The following ADGRA3 variants were observed in gnomAD, a reference collection of about 807,000 sequenced individuals.
ADGRA3 encodes the protein G-protein coupled receptor 125.
Under a neutral mutation model 119.8 loss-of-function variants are expected in ADGRA3, and 56 were observed. The observed-to-expected ratio is 0.47, with a 90% CI of 0.38 to 0.58. The LOEUF (loss-of-function observed/expected upper bound fraction) is 0.58, where lower values mean the gene tolerates loss of function less well. ADGRA3 is among the 20% of genes least tolerant of loss of function. The pLI, the probability that ADGRA3 is intolerant of heterozygous loss-of-function variation, is 0.00. For missense variants in ADGRA3, 1,516 were observed against 1,649.0 expected, an observed-to-expected ratio of 0.92 and a Z score of 1.40; for synonymous variants, 607 against 623.8, an observed-to-expected ratio of 0.97 and a Z score of 0.40.
intron 14 of ADGRA3, among the ~76,000 whole-genome samples, chr4:22,407,037 C>T (rs1417689469): frequency 2.0e-5 from 3 of 152,086 alleles, no homozygotes; most frequent in African/African-American, 2.4e-5. Flanking sequence ...TTTGGGAGGC[C>T]GAGGCGGGTG....
intron 1 of ADGRA3, among the ~76,000 whole-genome samples, chr4:22,484,629 C>A (rs1188493000): frequency 1.4e-5 from 2 of 147,858 alleles, no homozygotes; most frequent in East Asian, 3.9e-4. Context: ...AAAGCGTAAG[C>A]AGCTTTGTAC....
chr4:22,444,554 G>A (rs1475291225), intron 6 of ADGRA3, among the ~76,000 whole-genome samples: 3 of 152,046 alleles, frequency 2.0e-5, no homozygotes, highest in Non-Finnish European at 4.4e-5. Context: ...GTGAGCCACC[G>A]CGCCCTGCCT....
intron 4 of ADGRA3, among the ~76,000 whole-genome samples, chr4:22,453,421 AC>A (rs1197986752): frequency 2.0e-5 from 3 of 152,198 alleles, no homozygotes; most frequent in African/African-American, 4.8e-5. Flanking sequence ...AAAAGGACAC[AC>A]TGAAAACAGC....
chr4:22,392,248 T>A (rs145297557), intron 17 of ADGRA3, among the ~76,000 whole-genome samples: 10 of 152,332 alleles, frequency 6.6e-5, no homozygotes, highest in Admixed American at 1.3e-4. Context: ...ATAGAGCCGA[T>A]TATATGGCCA....
intron 12 of ADGRA3, chr4:22,420,665 T>C: frequency 3.5e-6 from 2 of 565,686 alleles, no homozygotes; most frequent in Non-Finnish European, 6.2e-6. Flanking sequence ...TCTGATATTT[T>C]TATGTGAAGA....
At position 22,438,279 on chromosome 4, in the gene ADGRA3, C is replaced by T. The variant is rs751311018; in HGVS notation, c.1062G>A (p.Val354=). ...SSAQYCPPER[V]VNNKGDFRWP... is the part of the protein sequence containing the mutation. The stretch of plus-strand genomic sequence containing the variant: ...ACCTGAAGTCACCTTTGTTGTTTAC[C>T]ACCCTCTCTGGAGGACAGTACTGTG... The change falls in exon 8 of 19, where the codon GTG becomes GTA. Residue 354 remains valine, a synonymous_variant. Transcript: ENST00000334304. The T allele has an allele frequency of 5.0e-6, 8 of 1,611,214 alleles. No individual in the cohort carries two copies. The South Asian group carries it at 8.8e-5, about 18-fold the overall frequency.
rs751426456 is a variant in ADGRA3, at chr4:22,388,341, G to A, written c.3330C>T (p.Ser1110=). ...GCAAGTTTGTTAATTTGCAGCCCTG[G>A]GAGGAATTTTTGAAGCTTGAAGCAC... The part of the protein sequence containing the change: ...NKSASSFKNS[S]QGCKLTNLQA... Residue 1110 remains serine (S), a synonymous_variant, in exon 19 of 19, where the codon TCC becomes TCT. Transcript: ENST00000334304. 1.2e-6 allele frequency: 2 copies of A among 1,614,030 alleles called. No individual in the cohort carries two copies. Among genetic ancestry groups the A allele is most frequent in the South Asian group, 2.2e-5 (2 of 91,080 alleles).
chr4:22,449,262 C>A (rs1320553397), intron 4 of ADGRA3, among the ~76,000 whole-genome samples: 2 of 151,030 alleles, frequency 1.3e-5, no homozygotes, highest in African/African-American at 2.4e-5. Flanking sequence ...AGAGTGAGAC[C>A]CCGTCTCAAA....
intron 4 of ADGRA3, among the ~76,000 whole-genome samples, chr4:22,454,007 T>C (rs1276843987): frequency 6.6e-6 from 1 of 151,994 alleles, no homozygotes; most frequent in African/African-American, 2.4e-5. Context: ...ACTACAGGCA[T>C]GTGCCACCAC....
intron 1 of ADGRA3, among the ~76,000 whole-genome samples, chr4:22,490,997 CAAGG>C (rs1043593087): frequency 3.3e-5 from 5 of 152,014 alleles, no homozygotes; most frequent in African/African-American, 1.2e-4. Flanking sequence ...ATGAATGGAT[CAAGG>C]GAGGGAGGGA....
intron 10 of ADGRA3, among the ~76,000 whole-genome samples, chr4:22,428,521 G>T (rs1716032311): frequency 6.6e-6 from 1 of 152,126 alleles, no homozygotes; most frequent in South Asian, 2.1e-4. Flanking sequence ...AGAAAAGCAA[G>T]AATTAACAGA....
chr4:22,483,160 C>T (rs990178828), intron 1 of ADGRA3, among the ~76,000 whole-genome samples: 6 of 152,166 alleles, frequency 3.9e-5, no homozygotes, highest in African/African-American at 1.4e-4. Context: ...CATCTGAAGA[C>T]TTCTTATGCC....
intron 4 of ADGRA3, among the ~76,000 whole-genome samples, chr4:22,448,253 T>C (rs973902578): frequency 6.6e-6 from 1 of 152,220 alleles, no homozygotes; most frequent in Admixed American, 6.5e-5. Context: ...CACTTCCGTG[T>C]ACAGCCAGTA....
At chr4:22,492,531 G>C (rs1447931252) in intron 1 of ADGRA3, among the ~76,000 whole-genome samples, 1 of 152,142 alleles carries the variant, frequency 6.6e-6, no homozygotes, top group Non-Finnish European at 1.5e-5. Flanking sequence ...CCCTTATAGA[G>C]TTTATGTACT....
At chr4:22,392,720 G>T in intron 16 of ADGRA3, 30 bp from the exon 17 acceptor site, 1 of 1,573,650 alleles carries the variant, frequency 6.4e-7, no homozygotes, top group Non-Finnish European at 8.6e-7. Context: ...ATAAATAAAA[G>T]AAAAAAAATG....
chr4:22,493,473 T>TA (rs1419832363), intron 1 of ADGRA3, among the ~76,000 whole-genome samples: 4 of 152,142 alleles, frequency 2.6e-5, no homozygotes, highest in Non-Finnish European at 5.9e-5. Context: ...CAAAAAATAA[T>TA]AATAATAATG....
chr4:22,494,153 C>T (rs1390925917), intron 1 of ADGRA3, among the ~76,000 whole-genome samples: 2 of 150,602 alleles, frequency 1.3e-5, no homozygotes, highest in South Asian at 2.1e-4. Context: ...TGCAGTGAGC[C>T]GAGATCGCAC....
intron 2 of ADGRA3, among the ~76,000 whole-genome samples, chr4:22,463,394 A>C (rs1717542190): frequency 6.6e-6 from 1 of 152,082 alleles, no homozygotes; most frequent in South Asian, 2.1e-4. Context: ...TCAGCACAAC[A>C]CTGTGCTAGG....
Position 22,388,270 on chromosome 4 carries a change from G to C in ADGRA3, c.3401C>G (p.Ser1134Cys), listed in dbSNP as rs751299637. 6.2e-7 allele frequency: 1 copy of C among 1,613,976 alleles called. No individual in the cohort carries two copies. The highest frequency in any genetic ancestry group is 1.1e-5 in the South Asian group (1 of 91,070). The change falls in exon 19 of 19, where the codon TCC becomes TGC. Residue 1134 changes from serine to cysteine, a missense_variant. This residue lies in a region of ADGRA3 where 1,088 missense variants were observed against 1,107.1 expected (regional missense o/e 0.98). Transcript: ENST00000334304. ...CAGACTATTATCAAGCTGAGGGGTGGAGTTCAAAGGTAAAGAATTGGCATG... is the reference window on the plus strand; with the variant it reads ...CAGACTATTATCAAGCTGAGGGGTGCAGTTCAAAGGTAAAGAATTGGCATG... ...QCHANSLPLN[S>C]TPQLDNSLTE... is the part of the protein sequence containing the mutation.
Sources: allele counts gnomAD v4.1 joint callset (sites outside exome capture counted in the v4.1 genomes callset), GRCh38; gene constraint gnomAD v4.1.1; regional missense constraint gnomAD v4.1.1; transcripts MANE v1.5; gene names NCBI Gene and HGNC (gene_info 2026-07-23, HGNC 2026-07-21).